RNF214: variants seen among roughly 807,000 people sequenced by gnomAD.
The protein encoded by RNF214 is ring finger protein 214.
Under a neutral mutation model 75.9 loss-of-function variants are expected in RNF214, and 25 were observed. The ratio of observed to expected loss-of-function variants is 0.33; its 90% CI spans 0.24 to 0.46. The LOEUF is 0.46. RNF214 is among the 20% of genes least tolerant of loss of function. The pLI is 1.00. For synonymous variants in RNF214, 314 were observed against 308.8 expected (o/e 1.02, Z -0.18); for missense variants, 725 against 857.5 (o/e 0.85, Z 1.93).
intron 6 of RNF214, among the ~76,000 whole-genome samples, 178 bp from the exon 7 acceptor site, chr11:117,279,730 A>G (rs1191014679): frequency 6.6e-6 from 1 of 152,234 alleles, no homozygotes; most frequent in African/African-American, 2.4e-5. Context: ...CTTATACTCC[A>G]GCTCTCTTTT....
chr11:117,256,777 G>A (rs1305490763), intron 6 of RNF214, among the ~76,000 whole-genome samples: 1 of 152,160 alleles, frequency 6.6e-6, no homozygotes, highest in African/African-American at 2.4e-5. Flanking sequence ...TGTGGGAAAG[G>A]ACTACACAGA....
At chr11:117,244,309 C>A in intron 4 of RNF214, 136 bp from the exon 5 acceptor site, 1 of 625,832 alleles carries the variant, frequency 1.6e-6, no homozygotes, top group Non-Finnish European at 2.7e-6. Flanking sequence ...TGAATATAGC[C>A]ACATATGGCT....
In RNF214 at chr11:117,278,026, C is replaced by T. The variant is rs1362997409; in HGVS notation, c.960-1882C>T. Among the ~76,000 whole-genome samples the T allele has an allele frequency of 2.0e-5, 3 of 151,634 alleles. 1 individual carries two copies. The highest frequency in any genetic ancestry group is 2.1e-4 in the South Asian group (1 of 4,806). On this transcript the variant is annotated intron_variant, in intron 6 of 14. Transcript: ENST00000300650. ...TTTCTCTTAAGATGTAACTCTTGGC[C>T]GGGCGCAGAGGCTCACACCTGTAAT...
chr11:117,277,379 G>T (rs2034034210), intron 6 of RNF214, among the ~76,000 whole-genome samples: 1 of 152,016 alleles, frequency 6.6e-6, no homozygotes, highest in South Asian at 2.1e-4. Flanking sequence ...GTTAATTTGG[G>T]GAAGCAATAC....
intron 6 of RNF214, among the ~76,000 whole-genome samples, chr11:117,257,024 A>G (rs897728361): frequency 6.6e-6 from 1 of 152,212 alleles, no homozygotes; most frequent in African/African-American, 2.4e-5. Flanking sequence ...TCTTTGCAAT[A>G]AAGTGAGTAT....
intron 6 of RNF214, among the ~76,000 whole-genome samples, chr11:117,273,494 T>G (rs1187957340): frequency 3.3e-5 from 5 of 152,164 alleles, no homozygotes; most frequent in Non-Finnish European, 7.3e-5. Context: ...AGAGAAACCT[T>G]TTCTCTACCT....
intron 6 of RNF214, among the ~76,000 whole-genome samples, chr11:117,261,266 C>A (rs1442645163): frequency 6.6e-6 from 1 of 152,072 alleles, no homozygotes; most frequent in Non-Finnish European, 1.5e-5. Context: ...TTCATTTTGT[C>A]AAATGCTTTT....
rs372659352 is a variant in RNF214, at chr11:117,234,305, C to A, written c.33C>A (p.Ala11=). ...CGTCTGAGGTTGCTGGTGTTGTGGC[C>A]AATGCCCCCAGTCCTCCGGAATCTT... The part of the protein sequence containing the change: MAASEVAGVV[A]NAPSPPESSS... Residue 11 remains alanine, a synonymous_variant, in exon 2 of 15, where the codon GCC becomes GCA. Coordinates refer to ENST00000300650, the MANE Select transcript of RNF214 (RefSeq NM_207343.4). 9.7e-5 allele frequency: 157 copies of A among 1,614,014 alleles called. No homozygotes were observed. Among genetic ancestry groups the A allele is most frequent in the Non-Finnish European group, 1.3e-4 (152 of 1,179,976 alleles).
chr11:117,260,653 T>C (rs1336212014), intron 6 of RNF214, among the ~76,000 whole-genome samples: 1 of 148,864 alleles, frequency 6.7e-6, no homozygotes, highest in African/African-American at 2.5e-5. Context: ...TTTTTTTTCT[T>C]TTTCCTTTTT....
At position 117,282,546 on chromosome 11, in the gene RNF214, GC is replaced by G; in HGVS notation, c.1845+12del. 1 of 1,613,364 alleles carries G rather than the reference GC, an allele frequency of 6.2e-7. No homozygotes were observed. Reference sequence around the variant, plus strand: ...GGCAGCAAGTACTCAGGTGAGAAAAGCCACTTGGGAGAGAACTTAGGCATGT... The same window carrying G: ...GGCAGCAAGTACTCAGGTGAGAAAAGCACTTGGGAGAGAACTTAGGCATGT... On this transcript the variant is annotated intron_variant, in intron 12 of 14. Coordinates refer to ENST00000300650, the MANE Select transcript of RNF214 (RefSeq NM_207343.4).
chr11:117,248,509 T>A (rs2134371395), intron 6 of RNF214, among the ~76,000 whole-genome samples: 1 of 152,380 alleles, frequency 6.6e-6, no homozygotes, highest in East Asian at 1.9e-4. Flanking sequence ...TGCGTCAGAC[T>A]GCTGAGTTAG....
intron 6 of RNF214, among the ~76,000 whole-genome samples, chr11:117,272,757 G>C (rs2033939446): frequency 6.6e-6 from 1 of 151,876 alleles, no homozygotes; most frequent in Admixed American, 6.6e-5. Flanking sequence ...TGTTGTAAAG[G>C]GTAGAAAATA....
At chr11:117,246,781 T>C in intron 5 of RNF214, 28 bp from the exon 6 acceptor site, 1 of 1,490,748 alleles carries the variant, frequency 6.7e-7, no homozygotes, top group Admixed American at 2.2e-5. Flanking sequence ...TTTTTATTTG[T>C]GTGCGACTGT....
At chr11:117,280,982 C>CTT (rs57955215) in intron 8 of RNF214, among the ~76,000 whole-genome samples, 1,953 of 87,952 alleles carry the variant, frequency 0.022, 152 homozygotes, top group African/African-American at 0.069. Flanking sequence ...AGGAATAGGG[C>CTT]TTTTTTTTTT....
At chr11:117,271,497 G>A (rs1230758582) in intron 6 of RNF214, among the ~76,000 whole-genome samples, 2 of 152,184 alleles carry the variant, frequency 1.3e-5, no homozygotes, top group Non-Finnish European at 2.9e-5. Flanking sequence ...TCCAGTGTTT[G>A]AAAACATTGT....
At chr11:117,284,641 T>C (rs531403365) in intron 14 of RNF214, among the ~76,000 whole-genome samples, 26 of 152,130 alleles carry the variant, frequency 1.7e-4, no homozygotes, top group African/African-American at 6.0e-4. Context: ...TGAATAGCCC[T>C]TCTTGGGGCC....
chr11:117,282,303 C>T lies in RNF214; in HGVS notation c.1712+33C>T, dbSNP rs374338656. On this transcript the variant is annotated intron_variant, in intron 11 of 14. Coordinates refer to ENST00000300650, the MANE Select transcript of RNF214 (RefSeq NM_207343.4). ...CCTTCAAGGACTGATTCAGATGTCT[C>T]TATCAGAGAAATGCTTATGGGTTAA... The T allele has an allele frequency of 3.4e-5, 54 of 1,579,736 alleles. No homozygotes were observed. In the African/African-American group the frequency reaches 6.1e-4, roughly 18 times the overall value.
chr11:117,271,525 G>T (rs531888559), intron 6 of RNF214, among the ~76,000 whole-genome samples: 1 of 152,316 alleles, frequency 6.6e-6, no homozygotes, highest in Admixed American at 6.5e-5. Context: ...GTTTTGTCCA[G>T]TTGTTTAGTT....
rs550453959 is a variant in RNF214, at chr11:117,260,265, A to C, written c.959+13317A>C. Among the ~76,000 whole-genome samples, 5 of 152,218 alleles carry C rather than the reference A, an allele frequency of 3.3e-5. No individual in the cohort carries two copies. The East Asian group carries it at 9.7e-4, about 30-fold the overall frequency. ...TGTCTCAGCCTCCCAAGTAGCTGGG[A>C]CTACAGCCATGTACCACCACACTCT... On this transcript the variant is annotated intron_variant, in intron 6 of 14. Transcript: ENST00000300650.
Sources: allele counts gnomAD v4.1 joint callset (sites outside exome capture counted in the v4.1 genomes callset), GRCh38; gene constraint gnomAD v4.1.1; transcripts MANE v1.5; gene names NCBI Gene and HGNC (gene_info 2026-07-23, HGNC 2026-07-21).